LRRC4C: variants seen among roughly 807,000 people sequenced by gnomAD.
LRRC4C encodes the protein leucine rich repeat containing 4C, also known as leucine-rich repeat-containing protein 4C.
LRRC4C carries 5 observed loss-of-function variants against 33.6 expected under a neutral mutation model. The observed-to-expected ratio is 0.15, with a 90% CI of 0.08 to 0.31. The LOEUF is 0.31. LRRC4C is among the 10% of genes least tolerant of loss of function. The pLI, the probability that LRRC4C is intolerant of heterozygous loss-of-function variation, is 1.00. For synonymous variants in LRRC4C, 329 were observed against 302.0 expected (o/e 1.09, Z -0.93); for missense variants, 560 against 796.7 (o/e 0.70, Z 3.58).
chr11:40,397,865 C>G (rs753442071), intron 3 of LRRC4C, among the ~76,000 whole-genome samples: 12 of 151,986 alleles, frequency 7.9e-5, no homozygotes, highest in Admixed American at 3.3e-4. Context: ...AAAATAAGCA[C>G]TTTTATATAG....
intron 1 of LRRC4C, among the ~76,000 whole-genome samples, chr11:41,309,091 C>T (rs545254939): frequency 4.6e-5 from 7 of 152,274 alleles, no homozygotes; most frequent in Admixed American, 2.6e-4. Context: ...CATCACACAC[C>T]GGGGCTCCAG....
At chr11:40,948,065 G>A (rs931831100) in intron 1 of LRRC4C, among the ~76,000 whole-genome samples, 3 of 152,048 alleles carry the variant, frequency 2.0e-5, no homozygotes, top group African/African-American at 7.2e-5. Context: ...GAAGCCTCTT[G>A]ATAGGTACAC....
At chr11:40,851,021 T>G (rs1007966712) in intron 2 of LRRC4C, among the ~76,000 whole-genome samples, 5 of 152,178 alleles carry the variant, frequency 3.3e-5, no homozygotes, top group Admixed American at 1.3e-4. Context: ...ACTGCTGTGC[T>G]GGCAGTGAGA....
chr11:40,645,617 C>T (rs1048743650), intron 3 of LRRC4C, among the ~76,000 whole-genome samples: 7 of 152,180 alleles, frequency 4.6e-5, no homozygotes, highest in South Asian at 2.1e-4. Context: ...AACCTAATCG[C>T]ACTCTTTCCT....
intron 1 of LRRC4C, among the ~76,000 whole-genome samples, chr11:41,194,673 A>T (rs183664223): frequency 1.5e-3 from 224 of 152,212 alleles, no homozygotes; most frequent in Admixed American, 3.4e-3. Flanking sequence ...GCCAAAAAAC[A>T]TGTGAGCTTA....
At chr11:41,356,352 G>T (rs2137622272) in intron 1 of LRRC4C, among the ~76,000 whole-genome samples, 1 of 152,112 alleles carries the variant, frequency 6.6e-6, no homozygotes, top group Admixed American at 6.5e-5. Flanking sequence ...AAGTCTTTTG[G>T]GGCAGTTAAA....
chr11:41,034,605 ACG>A (rs1491086261), intron 1 of LRRC4C, among the ~76,000 whole-genome samples: 42 of 40,646 alleles, frequency 1.0e-3, no homozygotes, highest in Middle Eastern at 0.013. Context: ...AAATATGGTG[ACG>A]TATATATATA....
intron 3 of LRRC4C, among the ~76,000 whole-genome samples, chr11:40,403,323 G>A (rs1949833236): frequency 1.3e-5 from 2 of 152,074 alleles, no homozygotes; most frequent in Non-Finnish European, 2.9e-5. Context: ...AACCAAGTTA[G>A]TTAGTCAAAG....
chr11:40,167,206 G>GAAAC (rs1859667858), intron 5 of LRRC4C, among the ~76,000 whole-genome samples: 1 of 152,128 alleles, frequency 6.6e-6, no homozygotes, highest in African/African-American at 2.4e-5. Flanking sequence ...AGCTTAGGTT[G>GAAAC]TCCAAAATTG....
chr11:40,676,095 A>G lies in LRRC4C; in HGVS notation c.-406-27817T>C, dbSNP rs144381256. Among the ~76,000 whole-genome samples, 31 of 152,332 alleles carry G rather than the reference A, an allele frequency of 2.0e-4. 1 individual carries two copies. In the East Asian group the frequency reaches 5.0e-3, roughly 25 times the overall value. ...TTTTCTAAAGAACAACATATATCTT[A>G]TAGAGACCTTTTGTTTTGTGACAAC... On this transcript the variant is annotated intron_variant, in intron 2 of 6. Transcript: ENST00000528697.
intron 3 of LRRC4C, among the ~76,000 whole-genome samples, chr11:40,564,528 C>A (rs574029422): frequency 6.6e-6 from 1 of 152,236 alleles, no homozygotes; most frequent in African/African-American, 2.4e-5. Context: ...GGACACAGGG[C>A]TGCCCTTTCT....
At chr11:40,918,233 T>A (rs1291422519) in intron 2 of LRRC4C, among the ~76,000 whole-genome samples, 1 of 152,078 alleles carries the variant, frequency 6.6e-6, no homozygotes, top group Non-Finnish European at 1.5e-5. Context: ...ATTGTGAGGA[T>A]GTATGTATTA....
intron 3 of LRRC4C, among the ~76,000 whole-genome samples, chr11:40,546,501 A>G (rs1376172281): frequency 6.6e-6 from 1 of 152,034 alleles, no homozygotes; most frequent in Non-Finnish European, 1.5e-5. Context: ...TTATGCATAG[A>G]TGCACCCTAT....
intron 4 of LRRC4C, among the ~76,000 whole-genome samples, chr11:40,287,922 T>A (rs908837142): frequency 2.1e-4 from 32 of 152,252 alleles, no homozygotes; most frequent in African/African-American, 7.5e-4. Flanking sequence ...ATTTCTTCTT[T>A]CTTAGTCTAT....
intron 2 of LRRC4C, among the ~76,000 whole-genome samples, chr11:40,863,475 C>A (rs781545735): frequency 2.6e-5 from 4 of 152,164 alleles, no homozygotes; most frequent in African/African-American, 4.8e-5. Flanking sequence ...CACCCCTAAA[C>A]TGGGTCCTTA....
At chr11:41,080,895 G>A (rs762827520) in intron 1 of LRRC4C, among the ~76,000 whole-genome samples, 6 of 152,112 alleles carry the variant, frequency 3.9e-5, no homozygotes, top group Non-Finnish European at 8.8e-5. Flanking sequence ...TCCTGTCTGA[G>A]AAGAAATTTG....
intron 1 of LRRC4C, among the ~76,000 whole-genome samples, chr11:40,997,879 T>C (rs1854098169): frequency 6.6e-6 from 1 of 152,138 alleles, no homozygotes; most frequent in African/African-American, 2.4e-5. Flanking sequence ...TTAAGGTTTC[T>C]CACATCCTTA....
At chr11:40,767,481 G>T (rs1949528838) in intron 2 of LRRC4C, among the ~76,000 whole-genome samples, 1 of 151,932 alleles carries the variant, frequency 6.6e-6, no homozygotes, top group Admixed American at 6.6e-5. Flanking sequence ...GAAACTAAAA[G>T]ATATTTACAG....
intron 3 of LRRC4C, among the ~76,000 whole-genome samples, chr11:40,603,171 C>T (rs891055412): frequency 6.6e-6 from 1 of 152,116 alleles, no homozygotes; most frequent in African/African-American, 2.4e-5. Flanking sequence ...CATTTGAACA[C>T]CAAATGTGTA....
Sources: gnomAD v4.1 joint callset for allele counts (sites outside exome capture counted in the v4.1 genomes callset) on GRCh38, gnomAD v4.1.1 for gene constraint, MANE v1.5 for transcripts, NCBI Gene and HGNC (gene_info 2026-07-23, HGNC 2026-07-21) for gene names.